SLC20A1: variants seen among roughly 807,000 people sequenced by gnomAD.
The protein encoded by SLC20A1 is solute carrier family 20 member 1, also known as sodium-dependent phosphate transporter 1.
Under a neutral mutation model 62.7 loss-of-function variants are expected in SLC20A1, and 28 were observed. That is an observed-to-expected ratio of 0.45 (90% confidence interval 0.33 to 0.61). The LOEUF (loss-of-function observed/expected upper bound fraction) is 0.61, where lower values mean the gene tolerates loss of function less well. Ranked by LOEUF, SLC20A1 falls within the 20% of genes least tolerant of loss-of-function variation. The probability of loss-of-function intolerance (pLI) is 0.02; values close to 1 mark genes in which losing one functional copy is unlikely to be tolerated. For missense variants in SLC20A1, 673 were observed against 838.6 expected (o/e 0.80, Z 2.44); for synonymous variants, 305 against 302.9 (o/e 1.01, Z -0.07).
Position 112,652,330 on chromosome 2 carries a change from A to G in SLC20A1, c.562-372A>G, listed in dbSNP as rs182708355. On this transcript the variant is annotated intron_variant, in intron 4 of 10. Transcript: ENST00000272542. ...GAAGTCAGGTAAGCAACATCCTAAC[A>G]TAGTCTATTTCTTGACATCTCTTAC... 318 of 219,426 alleles carry G rather than the reference A, an allele frequency of 1.4e-3. 1 individual carries two copies. Among genetic ancestry groups the G allele is most frequent in the African/African-American group, 7.0e-3 (305 of 43,380 alleles). 13.6% of individuals were successfully genotyped at this position (219,426 alleles called of 1,614,324 possible).
At position 112,659,897 on chromosome 2, in the gene SLC20A1, C is replaced by T. The variant is rs1054592927; in HGVS notation, c.1607+135C>T. 1.6e-5 allele frequency: 11 copies of T among 676,696 alleles called. No individual in the cohort carries two copies. The African/African-American group carries it at 1.8e-4, about 11-fold the overall frequency. The allele number at this position is 676,696 out of a possible 1,614,324, so 41.9% of individuals were successfully genotyped here. On this transcript the variant is annotated intron_variant, in intron 8 of 10. Transcript: ENST00000272542. ...TAATACAAATAGGATGAGGTAATAG[C>T]AGTTATTGACATAATAAGACAGTAC...
chr2:112,657,034 A>C (rs1296536670), intron 5 of SLC20A1, 88 bp from the exon 6 acceptor site: 4 of 1,499,524 alleles, frequency 2.7e-6, no homozygotes, highest in Non-Finnish European at 3.7e-6. Context: ...TGGTATGGGG[A>C]ACCCCTCAGT....
intron 3 of SLC20A1, 88 bp downstream of exon 3, chr2:112,647,552 G>A (rs1686317444): frequency 6.3e-7 from 1 of 1,579,338 alleles, no homozygotes. Context: ...TTCTAACGTC[G>A]AGGGACAGAC....
At position 112,646,741 on chromosome 2, in the gene SLC20A1, T is replaced by C. The variant is rs529895625; in HGVS notation, c.-88T>C. On this transcript the variant is annotated 5_prime_UTR_variant, in exon 2 of 11. Transcript: ENST00000272542. ...AATTTTATATAATATATATTATTTA[T>C]TATAGCATTTTTGATACCTCATATT... 2.9e-6 allele frequency: 2 copies of C among 686,066 alleles called. No individual in the cohort carries two copies. Among genetic ancestry groups the C allele is most frequent in the Non-Finnish European group, 4.7e-6 (2 of 427,224 alleles). 42.5% of individuals were successfully genotyped at this position (686,066 alleles called of 1,614,324 possible).
chr2:112,656,935 T>G (rs1167919175), intron 5 of SLC20A1, 187 bp from the exon 6 acceptor site: 3 of 681,964 alleles, frequency 4.4e-6, no homozygotes, highest in Non-Finnish European at 7.9e-6. Flanking sequence ...TTTCAGATGA[T>G]CATTGAGTTT....
chr2:112,659,841 G>A, intron 8 of SLC20A1, 79 bp downstream of exon 8: 3 of 1,272,150 alleles, frequency 2.4e-6, no homozygotes, highest in Non-Finnish European at 2.2e-6. Flanking sequence ...GCTTGTGGTA[G>A]TGGTACTCCT....
In SLC20A1 at chr2:112,647,013, C is replaced by G. The variant is rs779599521; in HGVS notation, c.185C>G (p.Ala62Gly). 6.2e-7 allele frequency: 1 copy of G among 1,614,106 alleles called. No homozygotes were observed. Among genetic ancestry groups the G allele is most frequent in the South Asian group, 1.1e-5 (1 of 91,076 alleles). The change falls in exon 2 of 11, where the codon GCC becomes GGC. Residue 62 changes from alanine to glycine, a missense_variant. Ala to Gly is a moderately conservative substitution (Grantham distance 60). Coordinates refer to ENST00000272542, the MANE Select transcript of SLC20A1 (RefSeq NM_005415.5). ...VGSGVVTLKQACILASIFETV... is the reference protein window; with the variant it reads ...VGSGVVTLKQGCILASIFETV... ...TCAGGTGTAGTGACCCTGAAGCAAG[C>G]CTGCATCCTAGCTAGCATCTTTGAA...
At chr2:112,648,580 A>G (rs1464115181) in intron 4 of SLC20A1, among the ~76,000 whole-genome samples, 1 of 152,232 alleles carries the variant, frequency 6.6e-6, no homozygotes, top group Non-Finnish European at 1.5e-5. Flanking sequence ...ATTCAGACCC[A>G]CTTGTCTGGT....
Position 112,647,641 on chromosome 2 carries a change from G to A in SLC20A1, c.476-12G>A. On this transcript the variant is annotated splice_polypyrimidine_tract_variant and intron_variant, in intron 3 of 10. Transcript: ENST00000272542. The stretch of plus-strand genomic sequence containing the variant: ...ATTATTTGATATTTTTTCTTAATGT[G>A]TTCTATTCCAGTGATGTCTTGGTTC... 1.2e-6 allele frequency: 2 copies of A among 1,606,850 alleles called. No homozygotes were observed. The highest frequency in any genetic ancestry group is 1.3e-5 in the African/African-American group (1 of 74,832).
At chr2:112,651,758 A>G (rs1313436818) in intron 4 of SLC20A1, among the ~76,000 whole-genome samples, 1 of 152,210 alleles carries the variant, frequency 6.6e-6, no homozygotes, top group African/African-American at 2.4e-5. Context: ...GAATTAATAC[A>G]TACTAGGTAT....
At chr2:112,649,500 A>G (rs751296362) in intron 4 of SLC20A1, among the ~76,000 whole-genome samples, 8 of 152,214 alleles carry the variant, frequency 5.3e-5, no homozygotes, top group Non-Finnish European at 1.0e-4. Flanking sequence ...AAATCTGAAT[A>G]TTTGACCATT....
At chr2:112,657,020 G>A (rs778560261) in intron 5 of SLC20A1, 102 bp from the exon 6 acceptor site, 1 of 1,356,704 alleles carries the variant, frequency 7.4e-7, no homozygotes, top group South Asian at 1.2e-5. Context: ...CAGGGGTGAT[G>A]GGCTGGTATG....
Position 112,652,719 on chromosome 2 carries a change from T to C in SLC20A1, c.579T>C (p.Asn193=). The change falls in exon 5 of 11, where the codon AAT becomes AAC. Residue 193 remains asparagine, a synonymous_variant. Coordinates refer to ENST00000272542, the MANE Select transcript of SLC20A1 (RefSeq NM_005415.5). Reference sequence around the variant, plus strand: ...TTTTACAGGCAGATCCAGTTCCTAATGGTTTGCGAGCTTTGCCAGTTTTCT... The same window carrying C: ...TTTTACAGGCAGATCCAGTTCCTAACGGTTTGCGAGCTTTGCCAGTTTTCT... The part of the protein sequence containing the change: ...FILHKADPVP[N]GLRALPVFYA... 1 of 1,614,118 alleles carries C rather than the reference T, an allele frequency of 6.2e-7. No homozygotes were observed. The highest frequency in any genetic ancestry group is 8.5e-7 in the Non-Finnish European group (1 of 1,179,920).
At chr2:112,649,371 A>C (rs1288873499) in intron 4 of SLC20A1, among the ~76,000 whole-genome samples, 2 of 152,196 alleles carry the variant, frequency 1.3e-5, no homozygotes, top group Non-Finnish European at 2.9e-5. Context: ...ACACTCTTGC[A>C]GGCCAATCCC....
At position 112,647,850 on chromosome 2, in the gene SLC20A1, T is replaced by C. The variant is rs1172347417; in HGVS notation, c.561+112T>C. On this transcript the variant is annotated intron_variant, in intron 4 of 10. Transcript: ENST00000272542. Reference sequence around the variant, plus strand: ...TGTATAGGTATGCGGCCTTGGAAAATTTTAAAAAGCTCTTTGTTCTGTGCA... The same window carrying C: ...TGTATAGGTATGCGGCCTTGGAAAACTTTAAAAAGCTCTTTGTTCTGTGCA... The C allele has an allele frequency of 7.2e-6, 6 of 838,250 alleles. No individual in the cohort carries two copies. The African/African-American group carries it at 1.0e-4, about 14-fold the overall frequency. The allele number at this position is 838,250 out of a possible 1,614,324, so 51.9% of individuals were successfully genotyped here.
chr2:112,649,862 T>TG (rs1428580486), intron 4 of SLC20A1, among the ~76,000 whole-genome samples: 2 of 152,194 alleles, frequency 1.3e-5, no homozygotes, highest in South Asian at 2.1e-4. Context: ...CTGGTGAAGA[T>TG]GGGGGGTTTT....
intron 1 of SLC20A1, 143 bp downstream of exon 1, chr2:112,646,272 C>G (rs955943154): frequency 6.6e-6 from 1 of 152,002 alleles, no homozygotes; most frequent in Non-Finnish European, 1.5e-5. Context: ...CCCGTCTGCC[C>G]GCCCGCGGGC....
chr2:112,657,667 A>G (rs1258259112), intron 6 of SLC20A1, among the ~76,000 whole-genome samples: 1 of 152,254 alleles, frequency 6.6e-6, no homozygotes, highest in East Asian at 1.9e-4. Flanking sequence ...GCTTCTGTGT[A>G]TAACTTCAGA....
intron 10 of SLC20A1, among the ~76,000 whole-genome samples, chr2:112,661,475 C>T (rs776607505): frequency 2.6e-5 from 4 of 151,396 alleles, no homozygotes; most frequent in Non-Finnish European, 5.9e-5. Flanking sequence ...GTTACTTTAT[C>T]CTCCCTCATT....
Sources: allele counts gnomAD v4.1 joint callset (sites outside exome capture counted in the v4.1 genomes callset), GRCh38; gene constraint gnomAD v4.1.1; transcripts MANE v1.5; gene names NCBI Gene and HGNC (gene_info 2026-07-23, HGNC 2026-07-21).